Variants in DPH6 observed in about 807,000 individuals in gnomAD.
The protein encoded by DPH6 is diphthamine biosynthesis 6.
Under a neutral mutation model 38.2 loss-of-function variants are expected in DPH6, and 33 were observed. The observed-to-expected ratio is 0.86, with a 90% CI of 0.65 to 1.15. The LOEUF is 1.15. Among genes scored for constraint, DPH6 ranks in the 50% most tolerant of loss-of-function variants. The probability of loss-of-function intolerance (pLI) is 0.00; values close to 1 mark genes in which losing one functional copy is unlikely to be tolerated. For synonymous variants in DPH6, 108 were observed against 103.0 expected (o/e 1.05, Z -0.30); for missense variants, 325 against 320.0 (o/e 1.02, Z -0.12).
chr15:35,449,148 CCTTT>C (rs573010717), intron 5 of DPH6, among the ~76,000 whole-genome samples: 130 of 152,044 alleles, frequency 8.6e-4, no homozygotes, highest in South Asian at 8.3e-4. Context: ...ATTTAATAAA[CCTTT>C]CTTTAATATT....
chr15:35,468,843 G>GCA (rs1329311725), intron 3 of DPH6, among the ~76,000 whole-genome samples: 5 of 152,156 alleles, frequency 3.3e-5, no homozygotes, highest in East Asian at 3.9e-4. Flanking sequence ...TGAGGCAGGT[G>GCA]GATCAACAGG....
At chr15:35,325,256 G>T (rs988375189) in intron 3 of DPH6, among the ~76,000 whole-genome samples, 1 of 152,002 alleles carries the variant, frequency 6.6e-6, no homozygotes, top group Admixed American at 6.6e-5. Flanking sequence ...GAAATGCAAA[G>T]GGTTAAAAAA....
chr15:35,407,994 G>A (rs941180929), intron 6 of DPH6, among the ~76,000 whole-genome samples: 3 of 151,972 alleles, frequency 2.0e-5, no homozygotes, highest in South Asian at 4.1e-4. Flanking sequence ...TATAAATAAC[G>A]GATCATGGCA....
At chr15:35,200,983 C>T in the DPH6 span, among the ~76,000 whole-genome samples, 29 of 123,828 alleles carry the variant, frequency 2.3e-4, no homozygotes, top group African/African-American at 3.6e-4. Context: ...AATAATTTCC[C>T]TTTTTTTTTT....
chr15:35,171,068 A>G, the DPH6 span, among the ~76,000 whole-genome samples: 1 of 152,190 alleles, frequency 6.6e-6, no homozygotes, highest in Admixed American at 6.5e-5. Flanking sequence ...TCCTATGTAC[A>G]TCAGATAGGG....
At chr15:35,490,851 A>G (rs1258746273) in intron 3 of DPH6, among the ~76,000 whole-genome samples, 1 of 152,136 alleles carries the variant, frequency 6.6e-6, no homozygotes, top group African/African-American at 2.4e-5. Flanking sequence ...TATAAAGAAC[A>G]GAAGTTTATT....
At chr15:35,362,007 TG>T (rs2052618386) in intron 3 of DPH6, among the ~76,000 whole-genome samples, 1 of 152,048 alleles carries the variant, frequency 6.6e-6, no homozygotes, top group African/African-American at 2.4e-5. Flanking sequence ...TGTTTCTTTA[TG>T]TGTCTTATTT....
chr15:35,403,289 T>C (rs1595534053), intron 6 of DPH6, among the ~76,000 whole-genome samples: 1 of 152,132 alleles, frequency 6.6e-6, no homozygotes, highest in African/African-American at 2.4e-5. Flanking sequence ...TTTTCTGCTG[T>C]TTTGTTTTTA....
At chr15:35,489,373 AT>A in intron 3 of DPH6, 1 of 985,214 alleles carries the variant, frequency 1.0e-6, no homozygotes, top group Non-Finnish European at 1.2e-6. Flanking sequence ...GTTTCATTAA[AT>A]TTTTTTCTGT....
intron 3 of DPH6, among the ~76,000 whole-genome samples, chr15:35,476,746 T>A (rs192496202): frequency 6.6e-6 from 1 of 151,828 alleles, no homozygotes; most frequent in Non-Finnish European, 1.5e-5. Flanking sequence ...ACAAAGTGAC[T>A]TGAGATTGAA....
At chr15:35,304,629 A>AAGT (rs1282868247) in intron 3 of DPH6, among the ~76,000 whole-genome samples, 1 of 152,112 alleles carries the variant, frequency 6.6e-6, no homozygotes, top group Non-Finnish European at 1.5e-5. Context: ...TACCACAGTT[A>AAGT]AGTATATTCT....
In DPH6 at chr15:35,413,006, T is replaced by G. The variant is rs897417504; in HGVS notation, c.506-2110A>C. ...ACTTTGGGTGATTATGATGTGTCAT[T>G]GTAAGTTCAACAATTTTAACAAATG... On this transcript the variant is annotated intron_variant, in intron 5 of 8. Transcript: ENST00000256538. Among the ~76,000 whole-genome samples the G allele has an allele frequency of 7.3e-5, 11 of 151,504 alleles. No homozygotes were observed. The Admixed American group carries it at 7.3e-4, about 10-fold the overall frequency.
At chr15:35,408,789 T>C (rs965165296) in intron 6 of DPH6, among the ~76,000 whole-genome samples, 1 of 152,014 alleles carries the variant, frequency 6.6e-6, no homozygotes, top group African/African-American at 2.4e-5. Flanking sequence ...TGGTCAGCAC[T>C]GTATCCGTTT....
rs535524418 is a variant in DPH6, at chr15:35,449,106, A to G, written c.505+1579T>C. 3.6e-4 allele frequency among the ~76,000 whole-genome samples: 54 copies of G among 151,002 alleles called. No homozygotes were observed. The East Asian group carries it at 8.4e-3, about 24-fold the overall frequency. ...CTTAGCAACCTATATTGCATCATTT[A>G]TATGTTTCTATGTCTTCAGAAGTAC... is the stretch of plus-strand genomic sequence containing the variant. On this transcript the variant is annotated intron_variant, in intron 5 of 8. Transcript: ENST00000256538.
chr15:35,338,489 C>T (rs543458603), intron 3 of DPH6, among the ~76,000 whole-genome samples: 11 of 152,286 alleles, frequency 7.2e-5, no homozygotes, highest in African/African-American at 2.6e-4. Flanking sequence ...GAGATACCAT[C>T]TCACACCAGT....
intron 3 of DPH6, among the ~76,000 whole-genome samples, chr15:35,529,075 A>G (rs2055046963): frequency 6.6e-6 from 1 of 152,196 alleles, no homozygotes; most frequent in East Asian, 1.9e-4. Flanking sequence ...GGTAATTTTT[A>G]ACATTCTCTT....
chr15:35,336,289 C>A (rs1253422425), intron 3 of DPH6, among the ~76,000 whole-genome samples: 1 of 152,074 alleles, frequency 6.6e-6, no homozygotes, highest in African/African-American at 2.4e-5. Flanking sequence ...CCATTCTCCC[C>A]ATCACTTTCA....
At chr15:35,389,886 G>A (rs933728664) in intron 6 of DPH6, among the ~76,000 whole-genome samples, 1 of 152,148 alleles carries the variant, frequency 6.6e-6, no homozygotes, top group African/African-American at 2.4e-5. Flanking sequence ...CTGTCATTAT[G>A]ATGTTAGCTG....
At chr15:35,415,873 T>A (rs2053429781) in intron 5 of DPH6, among the ~76,000 whole-genome samples, 1 of 151,974 alleles carries the variant, frequency 6.6e-6, no homozygotes, top group Non-Finnish European at 1.5e-5. Context: ...CAAAAGGAGA[T>A]TATTGTAAAA....
Sources: allele counts gnomAD v4.1 joint callset (sites outside exome capture counted in the v4.1 genomes callset), GRCh38; gene constraint gnomAD v4.1.1; transcripts MANE v1.5; gene names NCBI Gene and HGNC (gene_info 2026-07-23, HGNC 2026-07-21).